GOLGA4: variants seen among roughly 807,000 people sequenced by gnomAD.
GOLGA4 encodes the protein golgin A4, also known as golgin subfamily A member 4.
Under a neutral mutation model 265.9 loss-of-function variants are expected in GOLGA4, and 169 were observed. The observed-to-expected ratio is 0.64, with a 90% CI of 0.56 to 0.72. GOLGA4 has a LOEUF of 0.72. Among genes scored for constraint, GOLGA4 ranks in the 30% least tolerant of loss-of-function variants. The probability of loss-of-function intolerance (pLI) is 0.00; values close to 1 mark genes in which losing one functional copy is unlikely to be tolerated. For synonymous variants in GOLGA4, 923 were observed against 855.8 expected (o/e 1.08, Z -1.37); for missense variants, 2,482 against 2,483.4 (o/e 1.00, Z 0.01).
intron 16 of GOLGA4, among the ~76,000 whole-genome samples, chr3:37,334,438 A>G (rs997198138): frequency 6.6e-5 from 10 of 152,006 alleles, no homozygotes; most frequent in Admixed American, 6.6e-5. Flanking sequence ...GGGTAAATAC[A>G]TAGGAGATGT....
intron 11 of GOLGA4, among the ~76,000 whole-genome samples, chr3:37,317,665 C>T (rs1172889686): frequency 6.6e-6 from 1 of 152,182 alleles, no homozygotes; most frequent in Admixed American, 6.5e-5. Context: ...ATGGCATTAT[C>T]TAACTTTATC....
At chr3:37,353,256 A>C (rs1383493391) in intron 21 of GOLGA4, among the ~76,000 whole-genome samples, 3 of 152,126 alleles carry the variant, frequency 2.0e-5, no homozygotes, top group Non-Finnish European at 4.4e-5. Flanking sequence ...TGACACAGAG[A>C]TATAAAGTGA....
rs372469805 is a variant in GOLGA4, at chr3:37,347,245, T to G, written c.6525T>G (p.Phe2175Leu). Reference sequence around the variant, plus strand: ...CACTCTTTGGAGAACCTACCGAATTTGAGTATTTGCGAAAAGTGCTTTTTG... The same window carrying G: ...CACTCTTTGGAGAACCTACCGAATTGGAGTATTTGCGAAAAGTGCTTTTTG... ...DVSLFGEPTE[F>L]EYLRKVLFEY... The change falls in exon 21 of 24, where the codon TTT (phenylalanine) becomes TTG (leucine). Residue 2175 changes from phenylalanine (F) to leucine (L), a missense_variant. Coordinates refer to ENST00000361924, the MANE Select transcript of GOLGA4 (RefSeq NM_002078.5). 5.6e-6 allele frequency: 9 copies of G among 1,612,912 alleles called. No homozygotes were observed. The highest frequency in any genetic ancestry group is 5.3e-5 in the African/African-American group (4 of 74,922).
chr3:37,289,326 A>G lies in GOLGA4; in HGVS notation c.582+35A>G, dbSNP rs754972358. On this transcript the variant is annotated intron_variant, in intron 5 of 23. Transcript: ENST00000361924. ...AGTGATGAGTACTTTGAAAATAGTA[A>G]TTAAATCTCATATTTATCAGAACTG... 4 of 1,213,422 alleles carry G rather than the reference A, an allele frequency of 3.3e-6. No homozygotes were observed. The East Asian group carries it at 9.3e-5, about 28-fold the overall frequency. 75.2% of individuals were successfully genotyped at this position (1,213,422 alleles called of 1,614,324 possible).
intron 23 of GOLGA4, among the ~76,000 whole-genome samples, chr3:37,362,779 G>GTTTTTTTTTTTTTTTTT: frequency 3.8e-5 from 3 of 78,936 alleles, no homozygotes; most frequent in Non-Finnish European, 5.8e-5. Flanking sequence ...CAGCCTCTAA[G>GTTTTTTTTTTTTTTTTT]CTTTTTTTTT....
At chr3:37,340,040 A>T (rs1215636700) in intron 19 of GOLGA4, 84 bp from the exon 20 acceptor site, 4 of 636,670 alleles carry the variant, frequency 6.3e-6, no homozygotes, top group Non-Finnish European at 1.1e-5. Flanking sequence ...GCATTAAAAA[A>T]CCTTGTGGTG....
chr3:37,296,328 T>C (rs1238443346), intron 7 of GOLGA4, 109 bp downstream of exon 7: 16 of 1,080,200 alleles, frequency 1.5e-5, no homozygotes, highest in South Asian at 9.1e-5. Flanking sequence ...GGAGGATCGC[T>C]TGAGTTCAGG....
chr3:37,341,857 C>T (rs1050195270), intron 20 of GOLGA4: 1 of 152,178 alleles, frequency 6.6e-6, no homozygotes, highest in Non-Finnish European at 1.5e-5. Flanking sequence ...CACATATATA[C>T]AATTTATTTA....
chr3:37,366,080 TC>T lies in GOLGA4; in HGVS notation c.*35del, dbSNP rs1315188187. Reference sequence around the variant, plus strand: ...TTCTCTTTTCCTTTTTCTTTTCCAGTCATGGCTCCGATCTTCATCTTGAAGA... The same window carrying T: ...TTCTCTTTTCCTTTTTCTTTTCCAGTATGGCTCCGATCTTCATCTTGAAGA... On this transcript the variant is annotated splice_region_variant and 3_prime_UTR_variant, in exon 24 of 24. Transcript: ENST00000361924. 2.0e-6 allele frequency: 3 copies of T among 1,530,040 alleles called. No homozygotes were observed. In the African/African-American group the frequency reaches 4.1e-5, roughly 21 times the overall value. The allele number at this position is 1,530,040 out of a possible 1,614,324, so 94.8% of individuals were successfully genotyped here.
intron 2 of GOLGA4, among the ~76,000 whole-genome samples, chr3:37,272,254 C>A (rs551349636): frequency 6.6e-6 from 1 of 151,932 alleles, no homozygotes; most frequent in South Asian, 2.1e-4. Context: ...GACCACTACT[C>A]TAAAAGATAA....
intron 19 of GOLGA4, among the ~76,000 whole-genome samples, chr3:37,339,896 G>A (rs1244356444): frequency 6.6e-6 from 1 of 150,880 alleles, no homozygotes; most frequent in Non-Finnish European, 1.5e-5. Context: ...TGTAATTTAT[G>A]TATTTTTTTC....
chr3:37,303,675 A>G (rs1191717139), intron 10 of GOLGA4, among the ~76,000 whole-genome samples: 1 of 152,174 alleles, frequency 6.6e-6, no homozygotes, highest in Non-Finnish European at 1.5e-5. Context: ...CTGTGGTTAA[A>G]TCTGTAGGAG....
At chr3:37,256,783 C>T (rs1413110950) in intron 2 of GOLGA4, among the ~76,000 whole-genome samples, 1 of 152,094 alleles carries the variant, frequency 6.6e-6, no homozygotes, top group Non-Finnish European at 1.5e-5. Flanking sequence ...TTAACTAGGG[C>T]AAATGAAGCT....
chr3:37,273,591 G>A lies in GOLGA4; in HGVS notation c.163-8367G>A, dbSNP rs1279810359. ...GACAGTGTTAATGGAAGTGAACCAA[G>A]CATTCCTCAGGTCTGTTACTAATTG... is the stretch of plus-strand genomic sequence containing the variant. On this transcript the variant is annotated intron_variant, in intron 2 of 23. Coordinates refer to ENST00000361924, the MANE Select transcript of GOLGA4 (RefSeq NM_002078.5). 90 of 1,472,882 alleles carry A rather than the reference G, an allele frequency of 6.1e-5. No homozygotes were observed. Among genetic ancestry groups the A allele is most frequent in the Non-Finnish European group, 7.5e-5 (82 of 1,089,364 alleles). 91.2% of individuals were successfully genotyped at this position (1,472,882 alleles called of 1,614,324 possible). A position where few individuals can be genotyped will look rare whatever the true frequency, so the allele number is the denominator to read the frequency against.
At chr3:37,287,897 G>C (rs2096854063) in intron 4 of GOLGA4, among the ~76,000 whole-genome samples, 1 of 152,014 alleles carries the variant, frequency 6.6e-6, no homozygotes, top group South Asian at 2.1e-4. Context: ...TTGCTTGTTA[G>C]TCCACACAAA....
At chr3:37,290,551 C>G (rs889910119) in intron 5 of GOLGA4, among the ~76,000 whole-genome samples, 1 of 152,276 alleles carries the variant, frequency 6.6e-6, no homozygotes, top group African/African-American at 2.4e-5. Context: ...TTTTGTTATA[C>G]TGACAAGACC....
chr3:37,305,018 A>C (rs1420409729), intron 10 of GOLGA4, among the ~76,000 whole-genome samples: 1 of 152,154 alleles, frequency 6.6e-6, no homozygotes, highest in African/African-American at 2.4e-5. Context: ...TCCTGGGTCC[A>C]AGTGATTCTC....
At chr3:37,295,556 A>G (rs1349756504) in intron 6 of GOLGA4, among the ~76,000 whole-genome samples, 1 of 152,196 alleles carries the variant, frequency 6.6e-6, no homozygotes, top group East Asian at 1.9e-4. Flanking sequence ...TATTTATTGT[A>G]TCTTTTGACT....
chr3:37,275,791 T>A, intron 2 of GOLGA4: 1 of 1,613,646 alleles, frequency 6.2e-7, no homozygotes, highest in African/African-American at 1.3e-5. Flanking sequence ...AGCTTAAGAA[T>A]ATTCCTATGA....
Sources: gnomAD v4.1 joint callset for allele counts (sites outside exome capture counted in the v4.1 genomes callset) on GRCh38, gnomAD v4.1.1 for gene constraint, MANE v1.5 for transcripts, NCBI Gene and HGNC (gene_info 2026-07-23, HGNC 2026-07-21) for gene names.